FAM193A: variants seen among roughly 807,000 people sequenced by gnomAD.
FAM193A encodes the protein protein FAM193A.
Under a neutral mutation model 126.5 loss-of-function variants are expected in FAM193A, and 22 were observed. That is an observed-to-expected ratio of 0.17 (90% CI 0.12 to 0.25). FAM193A has a LOEUF of 0.25. FAM193A is among the 10% of genes least tolerant of loss of function. FAM193A has a pLI of 1.00. For synonymous variants in FAM193A, 761 were observed against 646.8 expected, an observed-to-expected ratio of 1.18 and a Z score of -2.68; for missense variants, 1,675 against 1,672.8, an observed-to-expected ratio of 1.00 and a Z score of -0.02.
chr4:2,640,351 G>C (rs1744490484), intron 6 of FAM193A, among the ~76,000 whole-genome samples: 1 of 152,168 alleles, frequency 6.6e-6, no homozygotes, highest in Non-Finnish European at 1.5e-5. Context: ...TTGGGAAGCT[G>C]GCTGGGTTCT....
chr4:2,668,766 TTTTC>T lies in FAM193A; in HGVS notation c.2080-3347_2080-3344del, dbSNP rs1713435065. ...ATACAGTGCCTGCCTGCCTGCCTTCTTTTCTTTCTTTTCCTTTTCCTCTCTCTCT... is the reference window on the plus strand; with the variant it reads ...ATACAGTGCCTGCCTGCCTGCCTTCTTTTCTTTTCCTTTTCCTCTCTCTCT... On this transcript the variant is annotated intron_variant, in intron 12 of 20. Coordinates refer to ENST00000637812, the MANE Select transcript of FAM193A (RefSeq NM_001366318.2). Among the ~76,000 whole-genome samples the T allele has an allele frequency of 2.0e-5, 3 of 152,282 alleles. No individual in the cohort carries two copies. The South Asian group carries it at 6.2e-4, about 32-fold the overall frequency.
intron 14 of FAM193A, 152 bp from the exon 15 acceptor site, chr4:2,690,546 G>T: frequency 1.6e-5 from 11 of 690,824 alleles, no homozygotes; most frequent in Non-Finnish European, 2.7e-5. Context: ...TTTTTTCTTA[G>T]ATTAAAAGCT....
At chr4:2,711,122 G>C (rs1320931915) in intron 19 of FAM193A, among the ~76,000 whole-genome samples, 1 of 152,280 alleles carries the variant, frequency 6.6e-6, no homozygotes, top group South Asian at 2.1e-4. Context: ...AAAGTGCTGG[G>C]ATTACAGGCG....
intron 19 of FAM193A, among the ~76,000 whole-genome samples, chr4:2,705,165 C>T (rs1162238894): frequency 6.6e-6 from 1 of 152,202 alleles, no homozygotes; most frequent in Non-Finnish European, 1.5e-5. Context: ...CTGTCTTGGC[C>T]TCCCAAAGTG....
intron 12 of FAM193A, among the ~76,000 whole-genome samples, chr4:2,664,569 T>C (rs1417226218): frequency 7.6e-6 from 1 of 131,412 alleles, no homozygotes; most frequent in East Asian, 2.1e-4. Context: ...TTTTTTTTTT[T>C]TTTTTTTTTT....
chr4:2,632,695 T>TG (rs908096380), intron 5 of FAM193A, among the ~76,000 whole-genome samples: 34 of 61,158 alleles, frequency 5.6e-4, no homozygotes, highest in Admixed American at 2.0e-4. Flanking sequence ...GGGGTGGGGG[T>TG]GGGGCAGGGG....
At chr4:2,621,327 A>T (rs1742533306) in intron 2 of FAM193A, among the ~76,000 whole-genome samples, 1 of 152,166 alleles carries the variant, frequency 6.6e-6, no homozygotes, top group Non-Finnish European at 1.5e-5. Flanking sequence ...AGGCAAAAAA[A>T]TTAATTGACT....
At chr4:2,667,898 C>T (rs1357853130) in intron 12 of FAM193A, among the ~76,000 whole-genome samples, 3 of 151,986 alleles carry the variant, frequency 2.0e-5, no homozygotes, top group Non-Finnish European at 4.4e-5. Flanking sequence ...AATTAAAATA[C>T]AATATGTATC....
At chr4:2,581,888 C>T (rs1236027682) in intron 1 of FAM193A, among the ~76,000 whole-genome samples, 1 of 150,148 alleles carries the variant, frequency 6.7e-6, no homozygotes, top group Non-Finnish European at 1.5e-5. Context: ...CTCCTGACCT[C>T]GTGATCTGCC....
chr4:2,723,876 A>G (rs13121815), intron 20 of FAM193A, among the ~76,000 whole-genome samples: 2 of 152,150 alleles, frequency 1.3e-5, no homozygotes, highest in Non-Finnish European at 2.9e-5. Flanking sequence ...ATCACGGCTC[A>G]CTGCAGCCTT....
At chr4:2,705,686 C>T (rs1718223771) in intron 19 of FAM193A, among the ~76,000 whole-genome samples, 1 of 151,828 alleles carries the variant, frequency 6.6e-6, no homozygotes, top group Non-Finnish European at 1.5e-5. Flanking sequence ...AACTCCTGGG[C>T]TCAAGTGATT....
chr4:2,539,434 TAA>T (rs1303702383), intron 1 of FAM193A, among the ~76,000 whole-genome samples: 2 of 152,108 alleles, frequency 1.3e-5, no homozygotes, highest in African/African-American at 4.8e-5. Context: ...TTTGTTGTTT[TAA>T]AAGAGACACG....
intron 20 of FAM193A, among the ~76,000 whole-genome samples, chr4:2,730,648 C>G (rs1475805754): frequency 2.6e-5 from 4 of 151,704 alleles, no homozygotes; most frequent in African/African-American, 9.7e-5. Context: ...CGAGATCACG[C>G]CACTGCACTC....
At chr4:2,653,124 C>T (rs1745834933) in intron 7 of FAM193A, among the ~76,000 whole-genome samples, 1 of 152,180 alleles carries the variant, frequency 6.6e-6, no homozygotes, top group Admixed American at 6.5e-5. Context: ...TTCATTTCTC[C>T]AATTGAACTG....
chr4:2,615,752 C>A (rs901339414), intron 2 of FAM193A, among the ~76,000 whole-genome samples: 1 of 152,154 alleles, frequency 6.6e-6, no homozygotes, highest in Non-Finnish European at 1.5e-5. Flanking sequence ...CTCCTGACCT[C>A]GTGATCTGCC....
chr4:2,625,485 G>A (rs1036644316), intron 3 of FAM193A, 90 bp downstream of exon 3: 70 of 586,220 alleles, frequency 1.2e-4, no homozygotes, highest in Non-Finnish European at 9.4e-6. Flanking sequence ...CTGGGCTAAT[G>A]TGACAGACAG....
chr4:2,702,180 A>C (rs1717809115), intron 19 of FAM193A, among the ~76,000 whole-genome samples: 1 of 152,196 alleles, frequency 6.6e-6, no homozygotes, highest in Admixed American at 6.5e-5. Context: ...TAGTTATATC[A>C]GGATAGATCC....
chr4:2,699,273 T>C (rs1717390166), intron 18 of FAM193A, among the ~76,000 whole-genome samples: 1 of 152,148 alleles, frequency 6.6e-6, no homozygotes, highest in East Asian at 1.9e-4. Context: ...CCGGGCAGTC[T>C]GTGGTATTGG....
intron 1 of FAM193A, among the ~76,000 whole-genome samples, chr4:2,547,260 C>T (rs187030940): frequency 2.6e-3 from 389 of 152,192 alleles, no homozygotes; most frequent in Admixed American, 4.3e-3. Flanking sequence ...CGGTGGCACA[C>T]ACCTGTAATT....
Sources: allele counts gnomAD v4.1 joint callset (sites outside exome capture counted in the v4.1 genomes callset), GRCh38; gene constraint gnomAD v4.1.1; transcripts MANE v1.5; gene names NCBI Gene and HGNC (gene_info 2026-07-23, HGNC 2026-07-21).